Variants in PTPN3 observed in about 807,000 individuals in gnomAD.
PTPN3 encodes the protein protein tyrosine phosphatase non-receptor type 3.
A neutral mutation model predicts 132.7 loss-of-function variants in PTPN3; 96 were observed. The observed-to-expected ratio is 0.72, with a 90% confidence interval of 0.61 to 0.86. PTPN3 has a LOEUF of 0.86. Ranked by LOEUF, PTPN3 falls within the 40% of genes least tolerant of loss-of-function variation. The pLI is 0.00. For synonymous variants in PTPN3, 398 were observed against 429.0 expected (o/e 0.93, Z 0.89); for missense variants, 1,125 against 1,159.6 (o/e 0.97, Z 0.43).
At chr9:109,383,154 C>T (rs1839259417) in intron 23 of PTPN3, among the ~76,000 whole-genome samples, 1 of 152,206 alleles carries the variant, frequency 6.6e-6, no homozygotes, top group African/African-American at 2.4e-5. Flanking sequence ...CTTTTAAAGG[C>T]TGAATCATAT....
At chr9:109,430,757 T>C (rs1160608383) in intron 10 of PTPN3, among the ~76,000 whole-genome samples, 1 of 152,190 alleles carries the variant, frequency 6.6e-6, no homozygotes, top group Non-Finnish European at 1.5e-5. Flanking sequence ...CACTAAGAAC[T>C]GAGCCTATAG....
chr9:109,432,990 T>C, intron 10 of PTPN3, 83 bp downstream of exon 10: 1 of 1,545,914 alleles, frequency 6.5e-7, no homozygotes, highest in Non-Finnish European at 8.7e-7. Flanking sequence ...GAAATAAACA[T>C]TTAGAATGGG....
chr9:109,458,191 G>A (rs1210382542), intron 2 of PTPN3, among the ~76,000 whole-genome samples: 8 of 152,154 alleles, frequency 5.3e-5, no homozygotes, highest in Admixed American at 3.9e-4. Context: ...GACACCCAAC[G>A]GGACCACACA....
At chr9:109,502,984 TA>T (rs1847879016), upstream of PTPN3, among the ~76,000 whole-genome samples, 1 of 152,206 alleles carries the variant, frequency 6.6e-6, no homozygotes, top group South Asian at 2.1e-4. Context: ...TTTTACAAAT[TA>T]GGAGAATTTC....
At chr9:109,492,346 G>C (rs1248644118) in intron 1 of PTPN3, among the ~76,000 whole-genome samples, 1 of 152,178 alleles carries the variant, frequency 6.6e-6, no homozygotes, top group Admixed American at 6.5e-5. Context: ...GGCAGCCATG[G>C]CCCCTGCACA....
chr9:109,400,727 G>C (rs1443496071), intron 19 of PTPN3, among the ~76,000 whole-genome samples: 1 of 152,148 alleles, frequency 6.6e-6, no homozygotes, highest in Non-Finnish European at 1.5e-5. Flanking sequence ...CCTACAACTG[G>C]GATAATGACA....
chr9:109,415,052 A>G (rs959101543), intron 14 of PTPN3, among the ~76,000 whole-genome samples: 49 of 133,736 alleles, frequency 3.7e-4, no homozygotes, highest in Admixed American at 9.8e-4. Context: ...CCGTCCGTCC[A>G]TCCGTCCATC....
rs370091526 is a variant in PTPN3 at position 109,399,660 on chromosome 9, G to GA, written c.1953+4787dup. Among the ~76,000 whole-genome samples, 389 of 137,906 alleles carry GA rather than the reference G, an allele frequency of 2.8e-3. 1 individual carries two copies. The highest frequency in any genetic ancestry group is 8.8e-3 in the South Asian group (38 of 4,320). 90.5% of individuals were successfully genotyped at this position (137,906 alleles called of 152,430 possible). ...TTTTCATAAAGGGAATTCCCTTTAT[G>GA]AAAAAAAAAAAAATGCTCCAAAGCA... is the stretch of plus-strand genomic sequence containing the variant. On this transcript the variant is annotated intron_variant, in intron 19 of 25. Coordinates refer to ENST00000374541, the MANE Select transcript of PTPN3 (RefSeq NM_002829.4).
the PTPN3 span, among the ~76,000 whole-genome samples, chr9:109,517,828 C>T: frequency 6.6e-6 from 1 of 152,126 alleles, no homozygotes; most frequent in Non-Finnish European, 1.5e-5. Flanking sequence ...GCTTCTTTGG[C>T]CTCTGGCTGC....
At chr9:109,474,308 C>T (rs1269339089) in intron 1 of PTPN3, among the ~76,000 whole-genome samples, 1 of 152,190 alleles carries the variant, frequency 6.6e-6, no homozygotes, top group Non-Finnish European at 1.5e-5. Flanking sequence ...ATGGGCTTGT[C>T]AATCTTGTTT....
chr9:109,525,187 G>A, the PTPN3 span, among the ~76,000 whole-genome samples: 1 of 151,882 alleles, frequency 6.6e-6, no homozygotes, highest in Non-Finnish European at 1.5e-5. Flanking sequence ...GAGTAGCTGG[G>A]ACTACAGGCA....
chr9:109,436,797 A>T, intron 9 of PTPN3, 86 bp downstream of exon 9: 1 of 1,519,122 alleles, frequency 6.6e-7, no homozygotes, highest in South Asian at 1.3e-5. Context: ...ATGAAAAAGA[A>T]ATAGTTTCAT....
At chr9:109,447,655 T>G (rs1054681090) in intron 6 of PTPN3, among the ~76,000 whole-genome samples, 3 of 152,084 alleles carry the variant, frequency 2.0e-5, no homozygotes, top group Non-Finnish European at 2.9e-5. Context: ...CTCCACAAAC[T>G]TCACTGCCAT....
intron 1 of PTPN3, among the ~76,000 whole-genome samples, chr9:109,471,284 C>T (rs1846368726): frequency 6.6e-6 from 1 of 152,178 alleles, no homozygotes; most frequent in Admixed American, 6.5e-5. Context: ...TCTTGAACTC[C>T]TGACCTCAGG....
chr9:109,436,988 A>G lies in PTPN3; in HGVS notation c.588-18T>C. 6.2e-7 allele frequency: 1 copy of G among 1,613,344 alleles called. No individual in the cohort carries two copies. Among genetic ancestry groups the G allele is most frequent in the Non-Finnish European group, 8.5e-7 (1 of 1,179,838 alleles). On this transcript the variant is annotated intron_variant, in intron 8 of 25. Transcript: ENST00000374541. ...TTAGCCCACTACGGAAGAAAAGACA[A>G]AAAGCAGAGTTCATCCAATAAAGAG...
At chr9:109,489,537 G>T (rs10979887) in intron 1 of PTPN3, among the ~76,000 whole-genome samples, 1 of 151,952 alleles carries the variant, frequency 6.6e-6, no homozygotes, top group East Asian at 1.9e-4. Flanking sequence ...GCTTAGACCC[G>T]TCAGTCATGT....
At chr9:109,473,873 C>T (rs60227798) in intron 1 of PTPN3, among the ~76,000 whole-genome samples, 8,347 of 151,950 alleles carry the variant, frequency 0.055, 356 homozygotes, top group East Asian at 0.23. Context: ...CAACGCCATC[C>T]TCCTGAGTTT....
intron 21 of PTPN3, among the ~76,000 whole-genome samples, chr9:109,390,498 C>T (rs1183250519): frequency 6.6e-6 from 1 of 152,026 alleles, no homozygotes; most frequent in Admixed American, 6.6e-5. Context: ...ATACCTAATG[C>T]TAAATGACGA....
At chr9:109,482,674 G>C (rs544094741) in intron 1 of PTPN3, among the ~76,000 whole-genome samples, 2 of 152,098 alleles carry the variant, frequency 1.3e-5, no homozygotes, top group African/African-American at 4.8e-5. Context: ...TCCTCTTCCT[G>C]GGTTCCCTCC....
Sources: gnomAD v4.1 joint callset for allele counts (sites outside exome capture counted in the v4.1 genomes callset) on GRCh38, gnomAD v4.1.1 for gene constraint, MANE v1.5 for transcripts, NCBI Gene and HGNC (gene_info 2026-07-23, HGNC 2026-07-21) for gene names.